Variants in SYCE2 observed in about 807,000 individuals in gnomAD.
SYCE2 encodes central element synaptonemal complex 1.
In SYCE2, 3 loss-of-function variants were observed where a neutral mutation model predicts 27.9. The ratio of observed to expected loss-of-function variants is 0.11; its 90% CI spans 0.05 to 0.28. SYCE2 has a LOEUF of 0.28. SYCE2 is among the 10% of genes least tolerant of loss of function. The probability of loss-of-function intolerance (pLI) is 1.00; values close to 1 mark genes in which losing one functional copy is unlikely to be tolerated. For missense variants in SYCE2, 207 were observed against 263.5 expected (o/e 0.79, Z 1.48); for synonymous variants, 85 against 100.7 (o/e 0.84, Z 0.93).
chr19:12,900,047 G>A lies in SYCE2; in HGVS notation c.569C>T (p.Pro190Leu), dbSNP rs766066084. 6 of 1,613,762 alleles carry A rather than the reference G, an allele frequency of 3.7e-6. No homozygotes were observed. In the South Asian group the frequency reaches 5.5e-5, roughly 15 times the overall value. The change falls in exon 5 of 6, where the codon CCC becomes CTC. Residue 190 changes from proline (P) to leucine (L), a missense_variant. Pro to Leu is a moderately conservative substitution (Grantham distance 98). Coordinates refer to ENST00000293695, the MANE Select transcript of SYCE2 (RefSeq NM_001105578.2). ...CACAGAAGAAACGAACACGTCTGGG[G>A]GCTGTGAGTTGCCGGGACGTGGTGG... ...KSPPRPGNSQPPDVFVSSVAE... is the reference protein window; with the variant it reads ...KSPPRPGNSQLPDVFVSSVAE...
chr19:12,904,834 G>A, intron 2 of SYCE2, 168 bp from the exon 3 acceptor site: 1 of 721,664 alleles, frequency 1.4e-6, no homozygotes, highest in Non-Finnish European at 2.2e-6. Flanking sequence ...CTCGTCTCTA[G>A]TAAAAACAAA....
intron 3 of SYCE2, among the ~76,000 whole-genome samples, chr19:12,903,066 A>T: frequency 6.6e-6 from 1 of 150,452 alleles, no homozygotes; most frequent in Non-Finnish European, 1.5e-5. Context: ...AAAAGAAAAA[A>T]CCAGAAAGAG....
chr19:12,915,723 G>A (rs1262473088), intron 2 of SYCE2, among the ~76,000 whole-genome samples: 1 of 151,690 alleles, frequency 6.6e-6, no homozygotes, highest in Non-Finnish European at 1.5e-5. Context: ...GGCCCCTTCT[G>A]CAGCCCTCCC....
intron 2 of SYCE2, among the ~76,000 whole-genome samples, chr19:12,912,928 C>A (rs999775610): frequency 9.9e-5 from 15 of 152,184 alleles, no homozygotes; most frequent in African/African-American, 3.4e-4. Context: ...TAATACACAG[C>A]AGCTGCATAT....
chr19:12,906,827 G>A (rs1478495312), intron 2 of SYCE2, among the ~76,000 whole-genome samples: 1 of 151,434 alleles, frequency 6.6e-6, no homozygotes, highest in Non-Finnish European at 1.5e-5. Flanking sequence ...AGAATCGCTT[G>A]AACTCGGGAG....
In SYCE2 at chr19:12,903,293, A is replaced by T. The variant is rs1599629500; in HGVS notation, c.306+1199T>A. 2.0e-5 allele frequency among the ~76,000 whole-genome samples: 3 copies of T among 150,368 alleles called. No homozygotes were observed. In the South Asian group the frequency reaches 6.3e-4, roughly 31 times the overall value. ...TTTTTAGTAGAGACAGGGTTTCATC[A>T]TGTTAACCAGGATGGTCTTGATCTC... On this transcript the variant is annotated intron_variant, in intron 3 of 5. Coordinates refer to ENST00000293695, the MANE Select transcript of SYCE2 (RefSeq NM_001105578.2).
At chr19:12,907,112 G>GT (rs1970947730) in intron 2 of SYCE2, among the ~76,000 whole-genome samples, 1 of 152,124 alleles carries the variant, frequency 6.6e-6, no homozygotes, top group South Asian at 2.1e-4. Flanking sequence ...AGCTGCCCCT[G>GT]TGAGTCACAG....
rs752924451 is a variant in SYCE2, at chr19:12,900,577, C to G, written c.378G>C (p.Gln126His). 6.2e-7 allele frequency: 1 copy of G among 1,614,154 alleles called. No homozygotes were observed. Among genetic ancestry groups the G allele is most frequent in the Admixed American group, 1.7e-5 (1 of 60,012 alleles). ...QIYNDHNKII[Q>H]EKLQEFTQKM... is the part of the protein sequence containing the mutation. ...TCTGGGTGAACTCTTGGAGCTTTTCCTGGATGATCTTGTTGTGGTCATTAT... is the reference window on the plus strand; with the variant it reads ...TCTGGGTGAACTCTTGGAGCTTTTCGTGGATGATCTTGTTGTGGTCATTAT... Residue 126 changes from glutamine to histidine, a missense_variant, in exon 4 of 6, where the codon CAG becomes CAC. By Grantham distance (24) the Gln-to-His change is conservative. Coordinates refer to ENST00000293695, the MANE Select transcript of SYCE2 (RefSeq NM_001105578.2).
intron 1 of SYCE2, among the ~76,000 whole-genome samples, chr19:12,918,841 C>T (rs1005173851): frequency 6.6e-6 from 1 of 151,628 alleles, no homozygotes; most frequent in Non-Finnish European, 1.5e-5. Flanking sequence ...ATCCCAGCTA[C>T]TCGGGAGGCT....
In SYCE2 at chr19:12,900,137, C is replaced by G. The variant is rs1252712458; in HGVS notation, c.496-17G>C. On this transcript the variant is annotated splice_polypyrimidine_tract_variant and intron_variant, in intron 4 of 5. Coordinates refer to ENST00000293695, the MANE Select transcript of SYCE2 (RefSeq NM_001105578.2). Reference sequence around the variant, plus strand: ...TAGGCTCTGCTGTAAAAAAGAAACCCAGGTTAGCAGTGCCGGTCTGTGCCA... The same window carrying G: ...TAGGCTCTGCTGTAAAAAAGAAACCGAGGTTAGCAGTGCCGGTCTGTGCCA... 6.3e-7 allele frequency: 1 copy of G among 1,598,276 alleles called. No homozygotes were observed. Among genetic ancestry groups the G allele is most frequent in the South Asian group, 1.1e-5 (1 of 89,660 alleles).
intron 2 of SYCE2, among the ~76,000 whole-genome samples, chr19:12,908,219 C>T (rs1970975366): frequency 6.6e-6 from 1 of 151,886 alleles, no homozygotes; most frequent in South Asian, 2.1e-4. Flanking sequence ...CGGCCACCTC[C>T]CTCTTTCCTC....
rs200376081 is a variant in SYCE2 at position 12,904,467 on chromosome 19, C to G, written c.306+25G>C. On this transcript the variant is annotated intron_variant, in intron 3 of 5. Coordinates refer to ENST00000293695, the MANE Select transcript of SYCE2 (RefSeq NM_001105578.2). ...CTCCCCTTTTGCATAAGGAATCCCC[C>G]CTCTCGCTGGGTGGAGTCTGTCACC... The G allele has an allele frequency of 7.6e-4, 1,220 of 1,613,636 alleles. 12 individuals carry two copies. In the South Asian group the frequency reaches 0.012, roughly 16 times the overall value.
At chr19:12,899,504 C>T in intron 5 of SYCE2, 119 bp from the exon 6 acceptor site, 1 of 1,614,166 alleles carries the variant, frequency 6.2e-7, no homozygotes, top group Non-Finnish European at 8.5e-7. Context: ...CTTGGGAGAG[C>T]TATCACGGGA....
rs1970772396 is a variant in SYCE2, at chr19:12,899,229, T to C, written c.*112A>G. 1 of 1,005,774 alleles carries C rather than the reference T, an allele frequency of 9.9e-7. No homozygotes were observed. The highest frequency in any genetic ancestry group is 2.4e-5 in the East Asian group (1 of 41,224). The allele number at this position is 1,005,774 out of a possible 1,614,324, so 62.3% of individuals were successfully genotyped here. A position where few individuals can be genotyped will look rare whatever the true frequency, so the allele number is the denominator to read the frequency against. On this transcript the variant is annotated 3_prime_UTR_variant, in exon 6 of 6. Transcript: ENST00000293695. ...GGAGCTTTGGGTTTTTGTTTTTTTCTGCCAAGATGCATTATAGAACCATGA... is the reference window on the plus strand; with the variant it reads ...GGAGCTTTGGGTTTTTGTTTTTTTCCGCCAAGATGCATTATAGAACCATGA...
chr19:12,901,704 C>T (rs1394861240), intron 3 of SYCE2, among the ~76,000 whole-genome samples: 1 of 152,088 alleles, frequency 6.6e-6, no homozygotes, highest in Non-Finnish European at 1.5e-5. Flanking sequence ...CAACCTCCGC[C>T]TCCTGGGTTC....
At chr19:12,904,743 T>G in intron 2 of SYCE2, 77 bp from the exon 3 acceptor site, 1 of 1,535,542 alleles carries the variant, frequency 6.5e-7, no homozygotes, top group Non-Finnish European at 8.9e-7. Flanking sequence ...CGCTCATGCC[T>G]GTAATCTCAG....
chr19:12,911,664 A>C (rs868271049), intron 2 of SYCE2, among the ~76,000 whole-genome samples: 17 of 132,154 alleles, frequency 1.3e-4, no homozygotes, highest in Middle Eastern at 0.01. Context: ...GCTGCCCAGG[A>C]TGGAGTGCAG....
intron 3 of SYCE2, among the ~76,000 whole-genome samples, chr19:12,901,947 A>G (rs1970848579): frequency 2.6e-5 from 4 of 152,142 alleles, no homozygotes; most frequent in Non-Finnish European, 5.9e-5. Context: ...AAAAGTATAT[A>G]CAGTCGTGTG....
intron 3 of SYCE2, among the ~76,000 whole-genome samples, chr19:12,901,806 G>A (rs1599627669): frequency 1.3e-5 from 2 of 151,854 alleles, no homozygotes; most frequent in East Asian, 1.9e-4. Context: ...TAGTAGAAAC[G>A]GGGTTTCACC....
Sources: allele counts gnomAD v4.1 joint callset (sites outside exome capture counted in the v4.1 genomes callset), GRCh38; gene constraint gnomAD v4.1.1; transcripts MANE v1.5; gene names NCBI Gene and HGNC (gene_info 2026-07-23, HGNC 2026-07-21).